Variants in WDR70 observed in about 807,000 individuals in gnomAD.
WDR70 encodes WD repeat domain 70.
Under a neutral mutation model 88.6 loss-of-function variants are expected in WDR70, and 53 were observed. That is an observed-to-expected ratio of 0.60 (90% confidence interval 0.48 to 0.75). The LOEUF is 0.75. WDR70 is among the 30% of genes least tolerant of loss of function. WDR70 has a pLI of 0.00. For missense variants in WDR70, 610 were observed against 823.2 expected (o/e 0.74, Z 3.17); for synonymous variants, 280 against 270.0 (o/e 1.04, Z -0.36).
At chr5:37,384,695 AT>A (rs1255347264) in intron 3 of WDR70, among the ~76,000 whole-genome samples, 3 of 146,242 alleles carry the variant, frequency 2.1e-5, no homozygotes, top group African/African-American at 7.5e-5. Context: ...AAATTTCACC[AT>A]GTTGTCCAGG....
chr5:37,644,248 GT>G (rs58915939), intron 10 of WDR70, among the ~76,000 whole-genome samples: 86,995 of 151,780 alleles, frequency 0.57, 25,126 homozygotes, highest in African/African-American at 0.61. Flanking sequence ...ATGATCATAT[GT>G]TTTTTTGTCC....
intron 10 of WDR70, among the ~76,000 whole-genome samples, chr5:37,616,152 A>T (rs1443637041): frequency 6.6e-6 from 1 of 151,530 alleles, no homozygotes; most frequent in African/African-American, 2.4e-5. Context: ...ACAGGGTCTC[A>T]CTCACCCAGG....
intron 8 of WDR70, among the ~76,000 whole-genome samples, chr5:37,491,424 CT>C (rs1740066111): frequency 6.6e-6 from 1 of 152,188 alleles, no homozygotes; most frequent in Non-Finnish European, 1.5e-5. Context: ...TGTTCAGTGC[CT>C]TTCTCCAGGA....
intron 10 of WDR70, among the ~76,000 whole-genome samples, chr5:37,691,054 A>G (rs1034907785): frequency 6.6e-6 from 1 of 152,204 alleles, no homozygotes; most frequent in Non-Finnish European, 1.5e-5. Context: ...TGGAAAACAA[A>G]AAAAAGCGGG....
At chr5:37,459,110 G>GCCGCATATCTACAACTATC (rs1435352230) in intron 7 of WDR70, among the ~76,000 whole-genome samples, 20 of 60,676 alleles carry the variant, frequency 3.3e-4, no homozygotes, top group South Asian at 6.8e-4. Flanking sequence ...GGAGCAGGTT[G>GCCGCATATCTACAACTATC]TTCAGTTTCC....
chr5:37,593,997 T>G (rs1449224106), intron 9 of WDR70, among the ~76,000 whole-genome samples: 4 of 152,184 alleles, frequency 2.6e-5, no homozygotes, highest in Non-Finnish European at 4.4e-5. Context: ...TTTGATGGTG[T>G]TGTTTTTTTC....
intron 10 of WDR70, among the ~76,000 whole-genome samples, chr5:37,622,640 G>T (rs1349009156): frequency 6.6e-6 from 1 of 151,586 alleles, no homozygotes; most frequent in Non-Finnish European, 1.5e-5. Context: ...CTATAGCAAG[G>T]ACAAAAAACC....
chr5:37,551,724 T>A (rs1295652352), intron 9 of WDR70, among the ~76,000 whole-genome samples: 1 of 145,172 alleles, frequency 6.9e-6, no homozygotes, highest in African/African-American at 2.7e-5. Flanking sequence ...TGAGACTCTT[T>A]CTCAAAAAAA....
intron 10 of WDR70, among the ~76,000 whole-genome samples, chr5:37,613,502 A>T (rs976181777): frequency 6.6e-6 from 1 of 152,198 alleles, no homozygotes; most frequent in Non-Finnish European, 1.5e-5. Flanking sequence ...GATTTGTCTT[A>T]TAATTCCCTC....
chr5:37,713,025 T>G (rs1306095136), intron 13 of WDR70, among the ~76,000 whole-genome samples: 2 of 152,222 alleles, frequency 1.3e-5, no homozygotes, highest in Non-Finnish European at 2.9e-5. Context: ...TTTATAAATT[T>G]TTTGTAACTA....
intron 10 of WDR70, among the ~76,000 whole-genome samples, chr5:37,693,247 G>T (rs1167927520): frequency 2.6e-5 from 4 of 152,194 alleles, no homozygotes; most frequent in Non-Finnish European, 4.4e-5. Context: ...CATGCTCATG[G>T]ATAGGAAGAA....
intron 9 of WDR70, among the ~76,000 whole-genome samples, chr5:37,522,978 C>A (rs1189085028): frequency 6.6e-6 from 1 of 152,244 alleles, no homozygotes; most frequent in South Asian, 2.1e-4. Context: ...AACAAAGCAG[C>A]CGAGAAGCTT....
At chr5:37,507,519 A>G (rs1477362770) in intron 8 of WDR70, among the ~76,000 whole-genome samples, 1 of 152,118 alleles carries the variant, frequency 6.6e-6, no homozygotes, top group East Asian at 1.9e-4. Flanking sequence ...CCTCCCCTGC[A>G]CTTCTTAGAC....
intron 7 of WDR70, among the ~76,000 whole-genome samples, chr5:37,461,575 C>T (rs1422279792): frequency 7.9e-5 from 12 of 152,150 alleles, no homozygotes; most frequent in African/African-American, 2.9e-4. Flanking sequence ...GCTCTGCCTC[C>T]TGGGTTCACG....
At chr5:37,666,324 T>C (rs767719059) in intron 10 of WDR70, among the ~76,000 whole-genome samples, 13 of 152,096 alleles carry the variant, frequency 8.5e-5, no homozygotes, top group Non-Finnish European at 1.5e-4. Flanking sequence ...GGTGATATCA[T>C]ATAAAGGGCA....
intron 17 of WDR70, among the ~76,000 whole-genome samples, chr5:37,746,464 A>G (rs919607955): frequency 1.3e-5 from 2 of 152,214 alleles, no homozygotes; most frequent in Non-Finnish European, 2.9e-5. Flanking sequence ...AACCCTCCAA[A>G]AAAATCAACA....
chr5:37,435,597 A>G (rs1750443045), intron 5 of WDR70, among the ~76,000 whole-genome samples: 1 of 152,218 alleles, frequency 6.6e-6, no homozygotes, highest in Admixed American at 6.5e-5. Context: ...TTTACAGTCT[A>G]AAACAAAACT....
chr5:37,559,644 A>G (rs944710405), intron 9 of WDR70, among the ~76,000 whole-genome samples: 1 of 152,136 alleles, frequency 6.6e-6, no homozygotes, highest in Admixed American at 6.5e-5. Context: ...CAGGGGTTCA[A>G]GACCAGCCTG....
intron 1 of WDR70, 45 bp downstream of exon 1, chr5:37,379,437 G>C: frequency 1.2e-6 from 2 of 1,613,748 alleles, no homozygotes; most frequent in Non-Finnish European, 1.7e-6. Context: ...CCGTGTCGGG[G>C]GAGCTGGGGC....
Sources: allele counts gnomAD v4.1 joint callset (sites outside exome capture counted in the v4.1 genomes callset), GRCh38; gene constraint gnomAD v4.1.1; transcripts MANE v1.5; gene names NCBI Gene and HGNC (gene_info 2026-07-23, HGNC 2026-07-21).